GBP7: variants seen among roughly 807,000 people sequenced by gnomAD.
GBP7 encodes the protein guanylate binding protein 7, also known as guanylate-binding protein 7.
GBP7 carries 43 observed loss-of-function variants against 61.3 expected under a neutral mutation model. That is an observed-to-expected ratio of 0.70 (90% CI 0.55 to 0.91). GBP7 has a LOEUF of 0.91. Among genes scored for constraint, GBP7 ranks in the 40% least tolerant of loss-of-function variants. The pLI is 0.00. For missense variants in GBP7, 717 were observed against 740.5 expected, an observed-to-expected ratio of 0.97 and a Z score of 0.37; for synonymous variants, 267 against 271.0, an observed-to-expected ratio of 0.99 and a Z score of 0.14.
At chr1:89,141,511 C>G (rs746622079) in intron 9 of GBP7, 35 bp downstream of exon 9, 12 of 1,569,728 alleles carry the variant, frequency 7.6e-6, no homozygotes, top group Non-Finnish European at 1.1e-5. Context: ...CAAGAACCTA[C>G]CCATTTGCCT....
Position 89,147,645 on chromosome 1 carries a change from C to A in GBP7, c.1287G>T (p.Pro429=). The A allele has an allele frequency of 6.2e-7, 1 of 1,614,134 alleles. No individual in the cohort carries two copies. ...ESISRGTFFV[P]GGHNIYLEAK... is the part of the protein sequence containing the mutation. ...CTTCTAAGTAGATATTGTGCCCCCC[C>A]GGAACAAAGAAAGTTCCTCTTGAAA... The change falls in exon 8 of 11, where the codon CCG becomes CCT. Residue 429 remains proline (P), a synonymous_variant. Transcript: ENST00000294671.
intron 2 of GBP7, among the ~76,000 whole-genome samples, chr1:89,169,747 A>G (rs986054942): frequency 1.3e-5 from 2 of 152,212 alleles, no homozygotes; most frequent in African/African-American, 4.8e-5. Context: ...AAACCACTCA[A>G]TGCCATACCC....
intron 3 of GBP7, among the ~76,000 whole-genome samples, chr1:89,157,052 A>C (rs1431805718): frequency 6.6e-6 from 1 of 152,188 alleles, no homozygotes; most frequent in Admixed American, 6.5e-5. Flanking sequence ...TAAGAAACTC[A>C]CTCAAAACCA....
At chr1:89,145,862 G>C (rs1241240814) in intron 8 of GBP7, among the ~76,000 whole-genome samples, 1 of 150,882 alleles carries the variant, frequency 6.6e-6, no homozygotes, top group South Asian at 2.1e-4. Flanking sequence ...ACATTGACTG[G>C]AAAAATTAAT....
At chr1:89,164,512 TA>T (rs749235952) in intron 3 of GBP7, among the ~76,000 whole-genome samples, 1 of 152,220 alleles carries the variant, frequency 6.6e-6, no homozygotes, top group Non-Finnish European at 1.5e-5. Flanking sequence ...TTAAATTTTA[TA>T]ATTCATCCAA....
chr1:89,156,534 C>CA (rs1682318985), intron 3 of GBP7, among the ~76,000 whole-genome samples: 1 of 151,560 alleles, frequency 6.6e-6, no homozygotes, highest in Non-Finnish European at 1.5e-5. Context: ...GGAAAACAAA[C>CA]AAAAAAAGCG....
chr1:89,163,367 A>G (rs1647327347), intron 3 of GBP7, among the ~76,000 whole-genome samples: 1 of 148,932 alleles, frequency 6.7e-6, no homozygotes, highest in East Asian at 2.0e-4. Context: ...CATCTGGTAA[A>G]TTCAGCTATG....
chr1:89,143,907 C>T (rs1398300491), intron 8 of GBP7, among the ~76,000 whole-genome samples: 5 of 152,076 alleles, frequency 3.3e-5, no homozygotes, highest in Non-Finnish European at 7.4e-5. Context: ...CAATGGGGTT[C>T]GCATGCAGGT....
At chr1:89,141,501 C>T in intron 9 of GBP7, 45 bp downstream of exon 9, 1 of 1,544,424 alleles carries the variant, frequency 6.5e-7, no homozygotes, top group African/African-American at 1.4e-5. Flanking sequence ...GAGAGTGTTG[C>T]AAGAACCTAC....
In GBP7 at chr1:89,132,267, G is replaced by A; in HGVS notation, c.1799C>T (p.Ala600Val). Residue 600 changes from alanine (A) to valine (V), a missense_variant, in exon 11 of 11, where the codon GCT becomes GTT. By Grantham distance (64) the Ala-to-Val change is moderately conservative. This residue lies in a region of GBP7 where 312 missense variants were observed against 310.1 expected (regional missense o/e 1.01). Coordinates refer to ENST00000294671, the MANE Select transcript of GBP7 (RefSeq NM_207398.3). The stretch of plus-strand genomic sequence containing the variant: ...TAGTGCTGCAATAAATATACTGCCA[G>A]CCACATCAAGAATCTGTGAAAACAC... ...PSVFSQILDV[A>V]GSIFIAALPG... 6.2e-7 allele frequency: 1 copy of A among 1,613,956 alleles called. No individual in the cohort carries two copies. The highest frequency in any genetic ancestry group is 1.7e-5 in the Admixed American group (1 of 60,020).
chr1:89,165,778 G>A (rs141835174), intron 2 of GBP7, among the ~76,000 whole-genome samples: 2 of 151,798 alleles, frequency 1.3e-5, no homozygotes, highest in African/African-American at 2.4e-5. Flanking sequence ...GGGGGTGGGG[G>A]CTAGGGGAGG....
rs1647666942 is a variant in GBP7 at position 89,173,798 on chromosome 1, G to A, written c.-19-1844C>T. 2.6e-5 allele frequency among the ~76,000 whole-genome samples: 4 copies of A among 152,106 alleles called. 1 individual carries two copies. The South Asian group carries it at 8.3e-4, about 32-fold the overall frequency. The stretch of plus-strand genomic sequence containing the variant: ...TTTTTTGAGTTTGTGAAACATCATG[G>A]TTCTGAAATGCAGAGCTTTTCAAAA... On this transcript the variant is annotated intron_variant, in intron 1 of 10. Coordinates refer to ENST00000294671, the MANE Select transcript of GBP7 (RefSeq NM_207398.3).
At chr1:89,157,000 C>T (rs140457039) in intron 3 of GBP7, among the ~76,000 whole-genome samples, 1,721 of 152,300 alleles carry the variant, frequency 0.011, 29 homozygotes, top group African/African-American at 0.039. Flanking sequence ...TTATGACAAA[C>T]TGTCTCTCAG....
rs10710842 is a variant in GBP7 at position 89,152,789 on chromosome 1, GAAAA to G, written c.319-16_319-13del. On this transcript the variant is annotated splice_polypyrimidine_tract_variant and intron_variant, in intron 3 of 10. Transcript: ENST00000294671. Reference sequence around the variant, plus strand: ...CTCTTAGGGTCACTCTAGTGTTAAAGAAAAAAAAAAAAAAAATGGAAGCCACAGT... The same window carrying G: ...CTCTTAGGGTCACTCTAGTGTTAAAGAAAAAAAAAAAATGGAAGCCACAGT... 1.2e-4 allele frequency: 154 copies of G among 1,247,398 alleles called. No homozygotes were observed. The highest frequency in any genetic ancestry group is 2.4e-4 in the Middle Eastern group (1 of 4,122). The allele number at this position is 1,247,398 out of a possible 1,614,324, so 77.3% of individuals were successfully genotyped here.
intron 3 of GBP7, among the ~76,000 whole-genome samples, chr1:89,160,298 C>T (rs1036624989): frequency 2.0e-5 from 3 of 152,052 alleles, no homozygotes; most frequent in African/African-American, 4.8e-5. Flanking sequence ...CAACATGGCA[C>T]GTGTGTACAT....
At chr1:89,138,743 G>A (rs1681869013) in intron 9 of GBP7, among the ~76,000 whole-genome samples, 1 of 151,978 alleles carries the variant, frequency 6.6e-6, no homozygotes, top group African/African-American at 2.4e-5. Flanking sequence ...GAAAACCTAG[G>A]AAATACCATT....
chr1:89,154,848 G>T (rs572692394), intron 3 of GBP7, among the ~76,000 whole-genome samples: 4 of 152,108 alleles, frequency 2.6e-5, no homozygotes, highest in African/African-American at 9.7e-5. Flanking sequence ...TTTGAGGAGA[G>T]TAGTGGTTCT....
rs770805664 is a variant in GBP7 at position 89,132,191 on chromosome 1, T to C, written c.1875A>G (p.Leu625=). Residue 625 remains leucine, a synonymous_variant, in exon 11 of 11, where the codon TTA becomes TTG. Coordinates refer to ENST00000294671, the MANE Select transcript of GBP7 (RefSeq NM_207398.3). ...TACCAGGATTTCTCAGCCTATTACATAATGAGCTAAGAATTTTCATTCCTA... is the reference window on the plus strand; with the variant it reads ...TACCAGGATTTCTCAGCCTATTACACAATGAGCTAAGAATTTTCATTCCTA... ...VDLGMKILSS[L]CNRLRNPGKK... 1.2e-6 allele frequency: 2 copies of C among 1,613,122 alleles called. No individual in the cohort carries two copies. The highest frequency in any genetic ancestry group is 4.5e-5 in the East Asian group (2 of 44,864).
chr1:89,149,576 A>G lies in GBP7; in HGVS notation c.872-4T>C, dbSNP rs1682145351. 1 of 1,599,600 alleles carries G rather than the reference A, an allele frequency of 6.3e-7. No homozygotes were observed. ...GTCTCCACCAGCATCCCCAGCCCTG[A>G]ATGATTTAGGAAATTTAGGGAATAG... On this transcript the variant is annotated splice_polypyrimidine_tract_variant and splice_region_variant and intron_variant, in intron 6 of 10. Coordinates refer to ENST00000294671, the MANE Select transcript of GBP7 (RefSeq NM_207398.3).
Sources: gnomAD v4.1 joint callset for allele counts (sites outside exome capture counted in the v4.1 genomes callset) on GRCh38, gnomAD v4.1.1 for gene constraint, gnomAD v4.1.1 regional missense constraint, MANE v1.5 for transcripts, NCBI Gene and HGNC (gene_info 2026-07-23, HGNC 2026-07-21) for gene names.